The following ZC2HC1A variants were observed in gnomAD, a reference collection of about 807,000 sequenced individuals.
The protein encoded by ZC2HC1A is zinc finger C2HC domain-containing protein 1A.
ZC2HC1A carries 28 observed loss-of-function variants against 40.7 expected under a neutral mutation model. The ratio of observed to expected loss-of-function variants is 0.69; its 90% CI spans 0.51 to 0.94. The LOEUF is 0.94. Ranked by LOEUF, ZC2HC1A falls within the 40% of genes least tolerant of loss-of-function variation. The pLI is 0.00. For synonymous variants in ZC2HC1A, 129 were observed against 129.2 expected (o/e 1.00, Z 0.01); for missense variants, 389 against 386.3 (o/e 1.01, Z -0.06).
Position 78,706,696 on chromosome 8 carries a change from C to A in ZC2HC1A, c.704+8183C>A, listed in dbSNP as rs188381084. On this transcript the variant is annotated intron_variant, in intron 7 of 8. Coordinates refer to ENST00000263849, the MANE Select transcript of ZC2HC1A (RefSeq NM_016010.3). ...TTCAGATGAAGGTGCTGTATTTACTCACCCCTTTTCCTGTTATTTTCAAGT... is the reference window on the plus strand; with the variant it reads ...TTCAGATGAAGGTGCTGTATTTACTAACCCCTTTTCCTGTTATTTTCAAGT... Among the ~76,000 whole-genome samples the A allele has an allele frequency of 2.7e-3, 405 of 152,250 alleles. 3 individuals carry two copies. The highest frequency in any genetic ancestry group is 9.1e-3 in the African/African-American group (378 of 41,544).
intron 5 of ZC2HC1A, among the ~76,000 whole-genome samples, chr8:78,693,000 T>C (rs1000949135): frequency 1.3e-5 from 2 of 152,014 alleles, no homozygotes; most frequent in Non-Finnish European, 2.9e-5. Flanking sequence ...TTTGTCCTTG[T>C]GATAGTTTGC....
rs926159401 is a variant in ZC2HC1A at position 78,718,257 on chromosome 8, T to G, written c.*764T>G. ...TTTTTCCAGATTTCACTTTTCCTCT[T>G]TTTCCATAACCCGTGAAGATAGTTT... On this transcript the variant is annotated 3_prime_UTR_variant, in exon 9 of 9. Coordinates refer to ENST00000263849, the MANE Select transcript of ZC2HC1A (RefSeq NM_016010.3). 6.6e-6 allele frequency: 1 copy of G among 152,078 alleles called. No individual in the cohort carries two copies. The highest frequency in any genetic ancestry group is 2.4e-5 in the African/African-American group (1 of 41,458). 9.4% of individuals were successfully genotyped at this position (152,078 alleles called of 1,614,324 possible).
At chr8:78,687,190 G>A (rs935703501) in intron 4 of ZC2HC1A, among the ~76,000 whole-genome samples, 4 of 151,914 alleles carry the variant, frequency 2.6e-5, no homozygotes, top group African/African-American at 4.8e-5. Flanking sequence ...AACTTAAAGT[G>A]ACAAAGTTGA....
chr8:78,701,848 C>T (rs1038865110), intron 7 of ZC2HC1A, among the ~76,000 whole-genome samples: 1 of 152,144 alleles, frequency 6.6e-6, no homozygotes, highest in African/African-American at 2.4e-5. Flanking sequence ...CCTACTTGAT[C>T]CTGGTGGATA....
In ZC2HC1A at chr8:78,697,431, T is replaced by C. The variant is rs930890359; in HGVS notation, c.529T>C (p.Ser177Pro). 2 of 1,602,322 alleles carry C rather than the reference T, an allele frequency of 1.2e-6. No individual in the cohort carries two copies. The highest frequency in any genetic ancestry group is 2.7e-5 in the African/African-American group (2 of 74,020). ...QVYKPPALKK[S>P]NSPGTASSGS... ...GTATAAGCCACCCGCACTTAAAAAG[T>C]CAAATTCTCCTGGAACTGCATCATC... is the stretch of plus-strand genomic sequence containing the variant. Residue 177 changes from serine (S) to proline (P), a missense_variant, in exon 6 of 9, where the codon TCA becomes CCA. By Grantham distance (74) the Ser-to-Pro change is moderately conservative. Transcript: ENST00000263849.
At chr8:78,714,243 T>C (rs1274466270) in intron 7 of ZC2HC1A, among the ~76,000 whole-genome samples, 2 of 152,170 alleles carry the variant, frequency 1.3e-5, no homozygotes, top group East Asian at 3.8e-4. Context: ...AGGGGCTCTT[T>C]ACCTCATTTG....
In ZC2HC1A at chr8:78,717,529, A is replaced by T. The variant is rs1200082629; in HGVS notation, c.*36A>T. ...AAAAAAAAAAAAAAGCCAAGTTCAG[A>T]GTTTATGATTATTGCTGCTTGGACA... On this transcript the variant is annotated 3_prime_UTR_variant, in exon 9 of 9. Transcript: ENST00000263849. 10 of 1,544,428 alleles carry T rather than the reference A, an allele frequency of 6.5e-6. No individual in the cohort carries two copies. Among genetic ancestry groups the T allele is most frequent in the Non-Finnish European group, 6.9e-6 (8 of 1,153,772 alleles).
Position 78,717,799 on chromosome 8 carries a change from G to A in ZC2HC1A, c.*306G>A, listed in dbSNP as rs1228052259. On this transcript the variant is annotated 3_prime_UTR_variant, in exon 9 of 9. Coordinates refer to ENST00000263849, the MANE Select transcript of ZC2HC1A (RefSeq NM_016010.3). Reference sequence around the variant, plus strand: ...TACTTTTCTGTTGTTGTTAAAGCACGTTAAGTACATTTCCACAAACTCTCA... The same window carrying A: ...TACTTTTCTGTTGTTGTTAAAGCACATTAAGTACATTTCCACAAACTCTCA... The A allele has an allele frequency of 4.3e-5, 8 of 187,482 alleles. No individual in the cohort carries two copies. Among genetic ancestry groups the A allele is most frequent in the Non-Finnish European group, 7.8e-5 (7 of 89,766 alleles). The allele number at this position is 187,482 out of a possible 1,614,324, so 11.6% of individuals were successfully genotyped here. A position where few individuals can be genotyped will look rare whatever the true frequency, so the allele number is the denominator to read the frequency against.
chr8:78,705,745 G>A (rs879932913), intron 7 of ZC2HC1A, among the ~76,000 whole-genome samples: 2 of 152,138 alleles, frequency 1.3e-5, no homozygotes, highest in Non-Finnish European at 2.9e-5. Context: ...CAGGGACTTT[G>A]CAAATCTCTG....
In ZC2HC1A at chr8:78,717,667, C is replaced by T; in HGVS notation, c.*174C>T. ...TAATGTGTGTATGTTTATATGTGTA[C>T]ATATACTGTATATAATAAATATCTG... On this transcript the variant is annotated 3_prime_UTR_variant, in exon 9 of 9. Transcript: ENST00000263849. The T allele has an allele frequency of 5.8e-6, 3 of 516,968 alleles. No homozygotes were observed. The highest frequency in any genetic ancestry group is 9.6e-6 in the Non-Finnish European group (3 of 311,126). The allele number at this position is 516,968 out of a possible 1,614,324, so 32.0% of individuals were successfully genotyped here. A position where few individuals can be genotyped will look rare whatever the true frequency, so the allele number is the denominator to read the frequency against.
chr8:78,709,367 T>C (rs770249799), intron 7 of ZC2HC1A, among the ~76,000 whole-genome samples: 5 of 152,216 alleles, frequency 3.3e-5, no homozygotes, highest in African/African-American at 4.8e-5. Flanking sequence ...ATCCAGTCTT[T>C]TGATGTGTGT....
At chr8:78,692,786 G>T (rs756389255) in intron 5 of ZC2HC1A, among the ~76,000 whole-genome samples, 3 of 151,990 alleles carry the variant, frequency 2.0e-5, no homozygotes, top group Admixed American at 6.6e-5. Flanking sequence ...CAACGTGCAG[G>T]TTTGTTACAT....
chr8:78,708,651 C>T (rs1810856962), intron 7 of ZC2HC1A, among the ~76,000 whole-genome samples: 1 of 150,914 alleles, frequency 6.6e-6, no homozygotes, highest in African/African-American at 2.4e-5. Flanking sequence ...AAGTTTTTCC[C>T]TTCTTCTAAA....
At chr8:78,683,210 C>T (rs1459876870) in intron 3 of ZC2HC1A, among the ~76,000 whole-genome samples, 1 of 152,230 alleles carries the variant, frequency 6.6e-6, no homozygotes, top group East Asian at 1.9e-4. Context: ...CTCACAGCTC[C>T]ACTAGGCATG....
At chr8:78,698,268 G>A in intron 6 of ZC2HC1A, 146 bp from the exon 7 acceptor site, 1 of 616,050 alleles carries the variant, frequency 1.6e-6, no homozygotes, top group Non-Finnish European at 2.7e-6. Flanking sequence ...TCGTCCTCTG[G>A]AAATGCCATT....
At chr8:78,666,289 C>G in intron 1 of ZC2HC1A, 125 bp downstream of exon 1, 1 of 1,476,284 alleles carries the variant, frequency 6.8e-7, no homozygotes, top group Non-Finnish European at 9.2e-7. Context: ...CGTCCCGCCG[C>G]GCCTCCGGAG....
intron 1 of ZC2HC1A, among the ~76,000 whole-genome samples, chr8:78,666,726 G>A (rs1034329580): frequency 1.3e-5 from 2 of 152,120 alleles, no homozygotes; most frequent in Non-Finnish European, 2.9e-5. Context: ...TTTAGAGCCG[G>A]TACAATAGAT....
At chr8:78,706,880 G>GA (rs929752672) in intron 7 of ZC2HC1A, among the ~76,000 whole-genome samples, 10 of 150,242 alleles carry the variant, frequency 6.7e-5, no homozygotes, top group East Asian at 5.8e-4. Flanking sequence ...TATAGAAAAG[G>GA]AAAAAAAAAT....
At chr8:78,703,536 C>CTT (rs35710652) in intron 7 of ZC2HC1A, among the ~76,000 whole-genome samples, 3,547 of 139,680 alleles carry the variant, frequency 0.025, 88 homozygotes, top group African/African-American at 0.065. Context: ...TAATACCCTT[C>CTT]TTTTTTTTTT....
Sources: allele counts gnomAD v4.1 joint callset (sites outside exome capture counted in the v4.1 genomes callset), GRCh38; gene constraint gnomAD v4.1.1; transcripts MANE v1.5; gene names NCBI Gene and HGNC (gene_info 2026-07-23, HGNC 2026-07-21).